TF: variants seen among roughly 807,000 people sequenced by gnomAD.
TF encodes serotransferrin.
In TF, 55 loss-of-function variants were observed where a neutral mutation model predicts 82.4. The ratio of observed to expected loss-of-function variants is 0.67; its 90% CI spans 0.54 to 0.84. The LOEUF (loss-of-function observed/expected upper bound fraction) is 0.84, where lower values mean the gene tolerates loss of function less well. Among genes scored for constraint, TF ranks in the 40% least tolerant of loss-of-function variants. TF has a pLI of 0.00. For missense variants in TF, 737 were observed against 868.4 expected (o/e 0.85, Z 1.90); for synonymous variants, 332 against 332.6 (o/e 1.00, Z 0.02).
chr3:133,732,602 C>T, the TF span, among the ~76,000 whole-genome samples: 2 of 152,354 alleles, frequency 1.3e-5, no homozygotes, highest in African/African-American at 2.4e-5. Context: ...TGGGTCCACA[C>T]TACCTTTATG....
chr3:133,705,839 A>G, the TF span, among the ~76,000 whole-genome samples: 1 of 152,224 alleles, frequency 6.6e-6, no homozygotes, highest in African/African-American at 2.4e-5. Flanking sequence ...AGGAAAGCTT[A>G]AAAACAAATA....
the TF span, among the ~76,000 whole-genome samples, chr3:133,690,336 C>T: frequency 6.6e-6 from 1 of 151,896 alleles, no homozygotes; most frequent in Non-Finnish European, 1.5e-5. Context: ...AGAATATTAA[C>T]AATAAAGGAA....
upstream of TF, among the ~76,000 whole-genome samples, chr3:133,743,863 A>T (rs1933440460): frequency 6.6e-6 from 1 of 152,166 alleles, no homozygotes; most frequent in Non-Finnish European, 1.5e-5. Context: ...TAGGCACCCC[A>T]TACAGCTAGG....
the TF span, among the ~76,000 whole-genome samples, chr3:133,673,969 C>A: frequency 2.0e-5 from 3 of 152,168 alleles, no homozygotes; most frequent in Admixed American, 6.5e-5. Context: ...TGACCTTGGC[C>A]TCCCGGAGCA....
the TF span, among the ~76,000 whole-genome samples, chr3:133,664,213 G>A: frequency 3.3e-5 from 5 of 152,184 alleles, no homozygotes; most frequent in Non-Finnish European, 5.9e-5. Flanking sequence ...TTCAGGAAAG[G>A]GTGAAATGGT....
intron 9 of TF, chr3:133,761,469 G>T: frequency 6.6e-6 from 1 of 152,020 alleles, no homozygotes; most frequent in South Asian, 2.1e-4. Context: ...AGTCCAGCCT[G>T]GGAAACATAG....
chr3:133,672,343 A>G, the TF span, among the ~76,000 whole-genome samples: 1 of 152,172 alleles, frequency 6.6e-6, no homozygotes, highest in African/African-American at 2.4e-5. Context: ...GAAAAGAAGT[A>G]ACATATTCCA....
chr3:133,748,666 A>C, intron 2 of TF, 82 bp downstream of exon 2: 1 of 1,534,538 alleles, frequency 6.5e-7, no homozygotes. Context: ...TTCTTTACTC[A>C]CAGGTAGGAG....
At chr3:133,742,641 G>C (rs1933415032), upstream of TF, among the ~76,000 whole-genome samples, 2 of 152,144 alleles carry the variant, frequency 1.3e-5, no homozygotes, top group African/African-American at 2.4e-5. Context: ...CCAGGCTGCT[G>C]CTTCTCAAGG....
the TF span, among the ~76,000 whole-genome samples, chr3:133,713,366 A>G: frequency 6.6e-6 from 1 of 152,186 alleles, no homozygotes; most frequent in Non-Finnish European, 1.5e-5. Context: ...TTCCCAGACA[A>G]GGCTTTGTTG....
chr3:133,705,282 A>T, the TF span, among the ~76,000 whole-genome samples: 1 of 152,152 alleles, frequency 6.6e-6, no homozygotes, highest in Non-Finnish European at 1.5e-5. Context: ...CTCAAAAAAA[A>T]AAAAAAAGGA....
At chr3:133,708,107 C>T in the TF span, among the ~76,000 whole-genome samples, 1 of 152,088 alleles carries the variant, frequency 6.6e-6, no homozygotes, top group East Asian at 1.9e-4. Flanking sequence ...TAATTACAAA[C>T]ATTTATAGAA....
the TF span, among the ~76,000 whole-genome samples, chr3:133,726,053 G>C: frequency 6.6e-6 from 1 of 152,152 alleles, no homozygotes; most frequent in Non-Finnish European, 1.5e-5. Flanking sequence ...GCTGGATTCG[G>C]TTTGCCAGTA....
the TF span, among the ~76,000 whole-genome samples, chr3:133,725,494 G>T: frequency 6.6e-6 from 1 of 152,118 alleles, no homozygotes; most frequent in African/African-American, 2.4e-5. Flanking sequence ...TGTGATTTTT[G>T]TACATTGATT....
In TF at chr3:133,746,591, C is replaced by T. The variant is rs945356504; in HGVS notation, c.43+108C>T. The T allele has an allele frequency of 1.4e-5, 17 of 1,255,490 alleles. No individual in the cohort carries two copies. In the African/African-American group the frequency reaches 2.1e-4, roughly 15 times the overall value. The allele number at this position is 1,255,490 out of a possible 1,614,324, so 77.8% of individuals were successfully genotyped here. ...TGCACTCCGCGCTCAGGCTGGAAGC[C>T]TGGGTGTCTGGGTGCCTTTCCATTG... On this transcript the variant is annotated intron_variant, in intron 1 of 16. Coordinates refer to ENST00000402696, the MANE Select transcript of TF (RefSeq NM_001063.4).
At chr3:133,699,809 G>T in the TF span, 3 of 241,226 alleles carry the variant, frequency 1.2e-5, no homozygotes, top group East Asian at 1.1e-4. Context: ...ATACAGCAGA[G>T]GAATAAAACC....
At chr3:133,758,914 A>AG (rs1559872292) in intron 8 of TF, among the ~76,000 whole-genome samples, 1 of 152,220 alleles carries the variant, frequency 6.6e-6, no homozygotes. Flanking sequence ...AAGGAAAAAA[A>AG]CAGCCAGAGG....
chr3:133,724,647 C>T, the TF span, among the ~76,000 whole-genome samples: 4 of 152,172 alleles, frequency 2.6e-5, no homozygotes, highest in African/African-American at 7.2e-5. Flanking sequence ...TGTGCAGAAG[C>T]TCTTTAGTTT....
Position 133,759,192 on chromosome 3 carries a change from G to A in TF, c.1066G>A (p.Asp356Asn), listed in dbSNP as rs1296783676. 2 of 1,613,912 alleles carry A rather than the reference G, an allele frequency of 1.2e-6. No individual in the cohort carries two copies. The highest frequency in any genetic ancestry group is 1.7e-5 in the Admixed American group (1 of 60,012). The change falls in exon 9 of 17, where the codon GAT (aspartate) becomes AAT (asparagine). Residue 356 changes from aspartate to asparagine, a missense_variant. By Grantham distance (23) the Asp-to-Asn change is conservative. Coordinates refer to ENST00000402696, the MANE Select transcript of TF (RefSeq NM_001063.4). Reference protein sequence around the residue: ...REGTCPEAPTDECKPVKWCAL... With the variant: ...REGTCPEAPTNECKPVKWCAL... ...TGCCATAGGCCCAGAAGCCCCAACA[G>A]ATGAATGCAAGCCTGTGAAGTGGTG...
Sources: allele counts gnomAD v4.1 joint callset (sites outside exome capture counted in the v4.1 genomes callset), GRCh38; gene constraint gnomAD v4.1.1; transcripts MANE v1.5; gene names NCBI Gene and HGNC (gene_info 2026-07-23, HGNC 2026-07-21).